DOCK5: variants seen among roughly 807,000 people sequenced by gnomAD.
DOCK5 encodes dedicator of cytokinesis protein 5.
A neutral mutation model predicts 251.8 loss-of-function variants in DOCK5; 142 were observed. That is an observed-to-expected ratio of 0.56 (90% CI 0.49 to 0.65). DOCK5 has a LOEUF of 0.65. DOCK5 is among the 30% of genes least tolerant of loss of function. DOCK5 has a pLI of 0.00. For synonymous variants in DOCK5, 842 were observed against 835.5 expected (o/e 1.01, Z -0.13); for missense variants, 2,111 against 2,312.3 (o/e 0.91, Z 1.79).
chr8:25,203,468 C>A (rs1315392626), intron 1 of DOCK5, among the ~76,000 whole-genome samples: 1 of 152,244 alleles, frequency 6.6e-6, no homozygotes, highest in East Asian at 1.9e-4. Flanking sequence ...GAGCTGTGAT[C>A]TAAGCCAAGA....
chr8:25,239,078 G>C (rs1408073262), intron 1 of DOCK5, among the ~76,000 whole-genome samples: 1 of 152,162 alleles, frequency 6.6e-6, no homozygotes, highest in Non-Finnish European at 1.5e-5. Flanking sequence ...ATTGCATTGT[G>C]GATGTGAGAT....
chr8:25,202,267 C>A (rs1455712602), intron 1 of DOCK5, among the ~76,000 whole-genome samples: 2 of 152,188 alleles, frequency 1.3e-5, no homozygotes, highest in African/African-American at 4.8e-5. Context: ...ATCCACCTGC[C>A]TCGGCCTCCC....
chr8:25,288,128 C>T (rs1278897508), intron 5 of DOCK5, among the ~76,000 whole-genome samples: 4 of 152,092 alleles, frequency 2.6e-5, no homozygotes, highest in Non-Finnish European at 4.4e-5. Flanking sequence ...TCAGGTGATC[C>T]ACCTGCCTCG....
intron 1 of DOCK5, among the ~76,000 whole-genome samples, chr8:25,216,145 T>C (rs13281103): frequency 1.1e-3 from 170 of 151,022 alleles, no homozygotes; most frequent in Non-Finnish European, 1.5e-3. Flanking sequence ...TCTATACGTG[T>C]ATACAATATG....
intron 22 of DOCK5, 34 bp from the exon 23 acceptor site, chr8:25,340,842 GA>G (rs1234147762): frequency 6.4e-7 from 1 of 1,565,944 alleles, no homozygotes; most frequent in Non-Finnish European, 8.8e-7. Flanking sequence ...TTTAACAATG[GA>G]AAGTCCAACT....
chr8:25,382,616 T>G (rs1056501156), intron 39 of DOCK5, 58 bp from the exon 40 acceptor site: 29 of 1,385,036 alleles, frequency 2.1e-5, no homozygotes, highest in Non-Finnish European at 2.7e-5. Context: ...CTGACTTTTT[T>G]TTTCCCCCAA....
Position 25,317,036 on chromosome 8 carries a change from C to G in DOCK5, c.1348C>G (p.Leu450Val), listed in dbSNP as rs376020224. Residue 450 changes from leucine (L) to valine (V), a missense_variant, in exon 14 of 52, where the codon CTG (leucine) becomes GTG (valine). Physicochemically the swap from Leu to Val is conservative, Grantham distance 32. Coordinates refer to ENST00000276440, the MANE Select transcript of DOCK5 (RefSeq NM_024940.8). ...GDVRNDIYVT[L>V]IHGEFDKGKK... is the part of the protein sequence containing the mutation. ...TGTTCGGAATGACATTTATGTCACC[C>G]TGATCCACGGTGAGTTTGACAAAGG... 2.5e-6 allele frequency: 4 copies of G among 1,613,796 alleles called. No individual in the cohort carries two copies. In the African/African-American group the frequency reaches 4.0e-5, roughly 16 times the overall value.
chr8:25,395,767 T>G, intron 45 of DOCK5, 48 bp downstream of exon 45: 1 of 1,581,904 alleles, frequency 6.3e-7, no homozygotes, highest in Non-Finnish European at 8.6e-7. Context: ...CCTGGGTGTC[T>G]GTGTGCCTCC....
intron 1 of DOCK5, among the ~76,000 whole-genome samples, chr8:25,221,565 C>G (rs1336819743): frequency 6.6e-6 from 1 of 152,238 alleles, no homozygotes; most frequent in African/African-American, 2.4e-5. Context: ...CCTTGGCCTC[C>G]CAAAGTGCTG....
chr8:25,381,301 G>A (rs976569170), intron 39 of DOCK5, among the ~76,000 whole-genome samples: 2 of 152,156 alleles, frequency 1.3e-5, no homozygotes, highest in Non-Finnish European at 1.5e-5. Context: ...ACCAGCCCCT[G>A]GCTTCACATG....
intron 30 of DOCK5, 31 bp downstream of exon 30, chr8:25,364,735 G>C (rs1563217263): frequency 6.6e-7 from 1 of 1,509,296 alleles, no homozygotes; most frequent in Non-Finnish European, 9.1e-7. Flanking sequence ...CCTGCTTCTA[G>C]AATTCTTGGC....
intron 48 of DOCK5, among the ~76,000 whole-genome samples, chr8:25,404,851 A>G (rs1284256610): frequency 6.6e-6 from 1 of 152,162 alleles, no homozygotes; most frequent in Non-Finnish European, 1.5e-5. Context: ...AACACACAGG[A>G]GTGCCTAGTT....
intron 40 of DOCK5, among the ~76,000 whole-genome samples, chr8:25,387,510 CT>C (rs1801185907): frequency 6.6e-6 from 1 of 152,186 alleles, no homozygotes; most frequent in Non-Finnish European, 1.5e-5. Context: ...GTTACTTTTC[CT>C]TCTTCTGCTC....
chr8:25,186,306 G>A (rs1410257896), intron 1 of DOCK5, among the ~76,000 whole-genome samples: 1 of 148,488 alleles, frequency 6.7e-6, no homozygotes, highest in African/African-American at 2.5e-5. Context: ...TCCCTTAGCT[G>A]CATCTCAGAA....
chr8:25,322,596 T>A (rs982920323), intron 16 of DOCK5, among the ~76,000 whole-genome samples: 5 of 152,220 alleles, frequency 3.3e-5, no homozygotes, highest in African/African-American at 1.2e-4. Flanking sequence ...TTAACAAAGG[T>A]CAAGTTTGTA....
Position 25,390,195 on chromosome 8 carries a change from G to T in DOCK5, c.4274-11G>T. ...CCCCAGCCCCTCTCCTTTCCTTAAC[G>T]AGCTCTTCAGACATGCAGTGCTTCA... is the stretch of plus-strand genomic sequence containing the variant. On this transcript the variant is annotated splice_polypyrimidine_tract_variant and intron_variant, in intron 41 of 51. Transcript: ENST00000276440. The T allele has an allele frequency of 6.3e-7, 1 of 1,575,488 alleles. No homozygotes were observed. The highest frequency in any genetic ancestry group is 2.3e-5 in the East Asian group (1 of 43,114).
chr8:25,391,941 G>C lies in DOCK5; in HGVS notation c.4401G>C (p.Pro1467=). The change falls in exon 43 of 52, where the codon CCG becomes CCC. Residue 1467 remains proline (P), a synonymous_variant. Coordinates refer to ENST00000276440, the MANE Select transcript of DOCK5 (RefSeq NM_024940.8). The part of the protein sequence containing the change: ...NEVQQFRYSR[P]FRKGEKDPDN... ...TGCAGCAGTTCAGATACTCCCGGCC[G>C]TTCCGGAAAGGAGAAAAGGATCCAG... 2.5e-6 allele frequency: 4 copies of C among 1,613,858 alleles called. No individual in the cohort carries two copies. The highest frequency in any genetic ancestry group is 3.4e-6 in the Non-Finnish European group (4 of 1,179,840).
chr8:25,407,635 G>A lies in DOCK5; in HGVS notation c.5094-348G>A, dbSNP rs374341883. On this transcript the variant is annotated intron_variant, in intron 48 of 51. Coordinates refer to ENST00000276440, the MANE Select transcript of DOCK5 (RefSeq NM_024940.8). The stretch of plus-strand genomic sequence containing the variant: ...GCCTCTAGCCTTAGCACTTTGGGAG[G>A]GCTGAGGTAGGAGCATCACTTGAGC... Among the ~76,000 whole-genome samples, 25 of 152,166 alleles carry A rather than the reference G, an allele frequency of 1.6e-4. 1 individual carries two copies. In the East Asian group the frequency reaches 4.8e-3, roughly 29 times the overall value.
chr8:25,392,866 T>G lies in DOCK5; in HGVS notation c.4511T>G (p.Val1504Gly). Residue 1504 changes from valine to glycine, a missense_variant, in exon 44 of 52, where the codon GTC (valine) becomes GGC (glycine). Val to Gly is a moderately radical substitution (Grantham distance 109, BLOSUM62 -3). Around this residue, in one of 3 missense-constraint regions of DOCK5, gnomAD observed 1,717 missense variants for 1,892.4 expected, o/e 0.91. Transcript: ENST00000276440. ...CCTGGGATTCTCAAGTGGTTTGAAG[T>G]CAAACAGATTTCAACAGTGAGTCAT... ...TFPGILKWFE[V>G]KQISTEEISP... 6.2e-7 allele frequency: 1 copy of G among 1,611,848 alleles called. No homozygotes were observed. The highest frequency in any genetic ancestry group is 8.5e-7 in the Non-Finnish European group (1 of 1,178,970).
Sources: allele counts gnomAD v4.1 joint callset (sites outside exome capture counted in the v4.1 genomes callset), GRCh38; gene constraint gnomAD v4.1.1; regional missense constraint gnomAD v4.1.1; transcripts MANE v1.5; gene names NCBI Gene and HGNC (gene_info 2026-07-23, HGNC 2026-07-21).